COMMD1: variants seen among roughly 807,000 people sequenced by gnomAD.
COMMD1 encodes the protein copper metabolism domain containing 1, also known as COMM domain-containing protein 1.
In COMMD1, 10 loss-of-function variants were observed where a neutral mutation model predicts 17.2. That is an observed-to-expected ratio of 0.58 (90% CI 0.36 to 0.99). The LOEUF (loss-of-function observed/expected upper bound fraction) is 0.99, where lower values mean the gene tolerates loss of function less well. Among genes scored for constraint, COMMD1 ranks in the 50% least tolerant of loss-of-function variants. The pLI, the probability that COMMD1 is intolerant of heterozygous loss-of-function variation, is 0.01. For missense variants in COMMD1, 270 were observed against 231.8 expected, an observed-to-expected ratio of 1.17 and a Z score of -1.07; for synonymous variants, 97 against 91.6, an observed-to-expected ratio of 1.06 and a Z score of -0.34.
intron 2 of COMMD1, among the ~76,000 whole-genome samples, chr2:62,106,210 C>T (rs900674108): frequency 6.6e-6 from 1 of 152,192 alleles, no homozygotes; most frequent in Non-Finnish European, 1.5e-5. Context: ...TTATATATGG[C>T]ACTTTGCTTG....
chr2:62,134,766 G>GA (rs532511283), intron 2 of COMMD1, among the ~76,000 whole-genome samples: 7 of 151,852 alleles, frequency 4.6e-5, no homozygotes, highest in Non-Finnish European at 8.8e-5. Flanking sequence ...AACAGAGGGG[G>GA]AAAAAAATCT....
At chr2:62,109,300 G>A (rs1474502976) in intron 2 of COMMD1, among the ~76,000 whole-genome samples, 1 of 152,102 alleles carries the variant, frequency 6.6e-6, no homozygotes, top group Non-Finnish European at 1.5e-5. Context: ...CGTTTTTTGG[G>A]ATCCATTTCC....
At chr2:62,044,231 C>T (rs1670316639) in intron 2 of COMMD1, among the ~76,000 whole-genome samples, 1 of 152,034 alleles carries the variant, frequency 6.6e-6, no homozygotes, top group Non-Finnish European at 1.5e-5. Context: ...TATGATTAAC[C>T]AAGACTAGAT....
intron 1 of COMMD1, among the ~76,000 whole-genome samples, chr2:61,934,478 T>A (rs932758447): frequency 6.6e-6 from 1 of 152,126 alleles, no homozygotes; most frequent in African/African-American, 2.4e-5. Context: ...ATCCCAGCGC[T>A]TGGGGAGGCA....
intron 2 of COMMD1, among the ~76,000 whole-genome samples, chr2:62,040,475 C>T (rs1039580990): frequency 2.0e-5 from 3 of 151,934 alleles, no homozygotes; most frequent in Non-Finnish European, 4.4e-5. Context: ...CTCTTGAAAA[C>T]AATTTATGTG....
chr2:62,020,580 G>A (rs1487302265), intron 2 of COMMD1, among the ~76,000 whole-genome samples: 3 of 152,102 alleles, frequency 2.0e-5, no homozygotes, highest in Admixed American at 6.5e-5. Flanking sequence ...AAACCTTATG[G>A]GTCTCCTGTT....
intron 1 of COMMD1, among the ~76,000 whole-genome samples, chr2:61,961,912 T>C (rs929721104): frequency 4.6e-5 from 7 of 152,194 alleles, no homozygotes; most frequent in African/African-American, 2.4e-5. Flanking sequence ...CTTGTTTATT[T>C]CTGATAATGA....
intron 2 of COMMD1, among the ~76,000 whole-genome samples, chr2:62,092,881 G>A (rs1671873776): frequency 6.6e-6 from 1 of 152,196 alleles, no homozygotes; most frequent in South Asian, 2.1e-4. Flanking sequence ...ACCAGTGGGA[G>A]GGGTTTTGGC....
chr2:62,088,210 T>C (rs983711597), intron 2 of COMMD1, among the ~76,000 whole-genome samples: 3 of 152,212 alleles, frequency 2.0e-5, no homozygotes, highest in Non-Finnish European at 1.5e-5. Flanking sequence ...CTTCCAGCCT[T>C]AGCTTTCTTC....
chr2:62,095,988 G>A (rs536212973), intron 2 of COMMD1, among the ~76,000 whole-genome samples: 4 of 149,924 alleles, frequency 2.7e-5, no homozygotes, highest in South Asian at 2.1e-4. Context: ...ACACATGCTC[G>A]TGTATGTATG....
At chr2:62,007,024 A>G (rs1669140506) in intron 2 of COMMD1, among the ~76,000 whole-genome samples, 1 of 152,242 alleles carries the variant, frequency 6.6e-6, no homozygotes, top group Non-Finnish European at 1.5e-5. Flanking sequence ...ACTTAGTCTC[A>G]GTACTGAACC....
rs1668920067 is a variant in COMMD1, at chr2:62,000,924, C to T, written c.404C>T (p.Ser135Leu). Residue 135 changes from serine to leucine, a missense_variant, in exon 2 of 3, where the codon TCA becomes TTA. Transcript: ENST00000311832. ...GATGGCAAGTCTCAGTCAAGGCACTCAGCTCAAATACACACACCTGTTGCC... is the reference window on the plus strand; with the variant it reads ...GATGGCAAGTCTCAGTCAAGGCACTTAGCTCAAATACACACACCTGTTGCC... ...RVDGKSQSRH[S>L]AQIHTPVAII... 3.7e-6 allele frequency: 6 copies of T among 1,614,144 alleles called. No homozygotes were observed. Among genetic ancestry groups the T allele is most frequent in the African/African-American group, 1.3e-5 (1 of 75,048 alleles).
chr2:61,891,955 C>T (rs1254179174), intron 1 of COMMD1, among the ~76,000 whole-genome samples: 1 of 151,494 alleles, frequency 6.6e-6, no homozygotes, highest in Non-Finnish European at 1.5e-5. Context: ...TCTCAGCCTC[C>T]TGAGTAGCTG....
At chr2:61,925,615 C>G (rs1289650154) in intron 1 of COMMD1, among the ~76,000 whole-genome samples, 1 of 151,944 alleles carries the variant, frequency 6.6e-6, no homozygotes, top group Non-Finnish European at 1.5e-5. Context: ...ACCGTGGAGC[C>G]TAGACAAGGG....
intron 2 of COMMD1, among the ~76,000 whole-genome samples, chr2:62,054,165 C>T (rs1291679702): frequency 6.6e-6 from 1 of 152,154 alleles, no homozygotes; most frequent in East Asian, 1.9e-4. Context: ...TCATCTTACC[C>T]CAGTCAGAGT....
At chr2:61,910,087 G>A (rs913847001) in intron 1 of COMMD1, among the ~76,000 whole-genome samples, 7 of 152,212 alleles carry the variant, frequency 4.6e-5, no homozygotes, top group Non-Finnish European at 7.3e-5. Flanking sequence ...GTAGATATGC[G>A]AAGCTGGCCA....
intron 1 of COMMD1, among the ~76,000 whole-genome samples, chr2:61,979,298 G>A (rs1385666437): frequency 2.0e-5 from 3 of 152,078 alleles, no homozygotes; most frequent in Non-Finnish European, 4.4e-5. Context: ...CCAACATGGT[G>A]AAACCCCGTC....
At position 61,984,316 on chromosome 2, in the gene COMMD1, G is replaced by A. The variant is rs572137029; in HGVS notation, c.181-16385G>A. 2.6e-4 allele frequency among the ~76,000 whole-genome samples: 40 copies of A among 152,278 alleles called. 3 individuals carry two copies. The South Asian group carries it at 4.4e-3, about 17-fold the overall frequency. ...GTTGGGATTACAGGCATGAGCCACCGCGCTCAACCTGTTGTTTTTCCATTA... is the reference window on the plus strand; with the variant it reads ...GTTGGGATTACAGGCATGAGCCACCACGCTCAACCTGTTGTTTTTCCATTA... On this transcript the variant is annotated intron_variant, in intron 1 of 2. Coordinates refer to ENST00000311832, the MANE Select transcript of COMMD1 (RefSeq NM_152516.4).
chr2:62,028,797 T>A (rs1254505497), intron 2 of COMMD1, among the ~76,000 whole-genome samples: 2 of 152,210 alleles, frequency 1.3e-5, no homozygotes, highest in Non-Finnish European at 2.9e-5. Flanking sequence ...TTGTTCTAAA[T>A]GTATGAACAC....
Sources: gnomAD v4.1 joint callset for allele counts (sites outside exome capture counted in the v4.1 genomes callset) on GRCh38, gnomAD v4.1.1 for gene constraint, MANE v1.5 for transcripts, NCBI Gene and HGNC (gene_info 2026-07-23, HGNC 2026-07-21) for gene names.